MSRA: variants seen among roughly 807,000 people sequenced by gnomAD.
MSRA encodes methionine sulfoxide reductase A.
Under a neutral mutation model 31.3 loss-of-function variants are expected in MSRA, and 54 were observed. That is an observed-to-expected ratio of 1.73 (90% CI 1.39 to 2.17). MSRA has a LOEUF of 2.17. Among genes scored for constraint, MSRA ranks in the 30% most tolerant of loss-of-function variants. The pLI, the probability that MSRA is intolerant of heterozygous loss-of-function variation, is 0.00. For synonymous variants in MSRA, 169 were observed against 116.5 expected (o/e 1.45, Z -2.90); for missense variants, 507 against 300.9 (o/e 1.69, Z -5.07).
At chr8:10,341,339 C>A (rs1310783379) in intron 5 of MSRA, among the ~76,000 whole-genome samples, 1 of 152,010 alleles carries the variant, frequency 6.6e-6, no homozygotes, top group African/African-American at 2.4e-5. Flanking sequence ...AAAGCAGGAG[C>A]AAGGGAGAGA....
rs116705608 is a variant in MSRA, at chr8:10,213,691, C to T, written c.211+5790C>T. On this transcript the variant is annotated intron_variant, in intron 2 of 5. Transcript: ENST00000317173. ...GACCTCGTGATCTGCCTGCCTCGGC[C>T]TCCCCAGGTACCACATTTTCTTTGC... is the stretch of plus-strand genomic sequence containing the variant. Among the ~76,000 whole-genome samples, 1,503 of 151,890 alleles carry T rather than the reference C, an allele frequency of 9.9e-3. 29 individuals are homozygous for T. Among genetic ancestry groups the T allele is most frequent in the African/African-American group, 0.035 (1,443 of 41,256 alleles).
intron 4 of MSRA, among the ~76,000 whole-genome samples, chr8:10,315,899 CCCTTT>C (rs1801684931): frequency 6.6e-6 from 1 of 152,174 alleles, no homozygotes; most frequent in Non-Finnish European, 1.5e-5. Flanking sequence ...AATAGAATTT[CCCTTT>C]TACACAAACA....
chr8:10,411,865 T>A (rs7817793), intron 5 of MSRA, among the ~76,000 whole-genome samples: 1 of 150,648 alleles, frequency 6.6e-6, no homozygotes, highest in Non-Finnish European at 1.5e-5. Context: ...GTAGTCATAT[T>A]CCAGTTAAGC....
intron 5 of MSRA, among the ~76,000 whole-genome samples, chr8:10,379,575 C>T (rs975401619): frequency 3.9e-5 from 6 of 152,184 alleles, no homozygotes; most frequent in Non-Finnish European, 1.5e-5. Context: ...CCTCCGCCTT[C>T]CCCCCTCTTC....
At chr8:10,083,893 A>G (rs190825771) in intron 1 of MSRA, among the ~76,000 whole-genome samples, 2 of 152,322 alleles carry the variant, frequency 1.3e-5, no homozygotes, top group Non-Finnish European at 2.9e-5. Flanking sequence ...TGAGAATTAG[A>G]TCCCAGTCCT....
chr8:10,138,228 C>G (rs553797955), intron 1 of MSRA, among the ~76,000 whole-genome samples: 1 of 152,120 alleles, frequency 6.6e-6, no homozygotes, highest in Non-Finnish European at 1.5e-5. Context: ...AAATGGATAT[C>G]TCTTTGAGAG....
chr8:10,354,066 C>T lies in MSRA; in HGVS notation c.543+34077C>T, dbSNP rs987543326. 7 of 152,814 alleles carry T rather than the reference C, an allele frequency of 4.6e-5. No homozygotes were observed. In the East Asian group the frequency reaches 1.2e-3, roughly 25 times the overall value. The allele number at this position is 152,814 out of a possible 1,614,324, so 9.5% of individuals were successfully genotyped here. On this transcript the variant is annotated intron_variant, in intron 5 of 5. Coordinates refer to ENST00000317173, the MANE Select transcript of MSRA (RefSeq NM_012331.5). The stretch of plus-strand genomic sequence containing the variant: ...ATAACCTTACCAGCCCCAGCTCCTT[C>T]ACTGTTTTCAGTGTTTGCTAATATG...
At chr8:10,296,938 G>C (rs1800577099) in intron 3 of MSRA, among the ~76,000 whole-genome samples, 1 of 152,178 alleles carries the variant, frequency 6.6e-6, no homozygotes, top group Admixed American at 6.5e-5. Flanking sequence ...TACTGCGTGG[G>C]CCAGTTCCCT....
chr8:10,428,054 T>G, intron 5 of MSRA, 94 bp from the exon 6 acceptor site: 3 of 1,393,316 alleles, frequency 2.2e-6, no homozygotes, highest in Non-Finnish European at 2.9e-6. Context: ...AAGCCACGCG[T>G]CTGCTCACTG....
intron 3 of MSRA, among the ~76,000 whole-genome samples, chr8:10,286,565 C>G (rs938423100): frequency 6.6e-6 from 1 of 152,192 alleles, no homozygotes; most frequent in Non-Finnish European, 1.5e-5. Flanking sequence ...TATGTCTTTA[C>G]CAGCAGCATG....
At chr8:10,292,014 G>C (rs1800264000) in intron 3 of MSRA, among the ~76,000 whole-genome samples, 1 of 152,176 alleles carries the variant, frequency 6.6e-6, no homozygotes, top group African/African-American at 2.4e-5. Flanking sequence ...CATTTGATCA[G>C]TATTTATTAA....
Position 10,323,976 on chromosome 8 carries a change from A to G in MSRA, c.543+3987A>G, listed in dbSNP as rs527372890. Among the ~76,000 whole-genome samples the G allele has an allele frequency of 1.6e-4, 24 of 152,358 alleles. No individual in the cohort carries two copies. The South Asian group carries it at 5.0e-3, about 32-fold the overall frequency. ...CATATCTCTTTTATGGTTTTGCATA[A>G]ATAAAACTGACCCTAGATTCCACTG... On this transcript the variant is annotated intron_variant, in intron 5 of 5. Coordinates refer to ENST00000317173, the MANE Select transcript of MSRA (RefSeq NM_012331.5).
intron 1 of MSRA, among the ~76,000 whole-genome samples, chr8:10,165,904 G>A (rs192844262): frequency 6.6e-6 from 1 of 152,312 alleles, no homozygotes; most frequent in African/African-American, 2.4e-5. Context: ...GTCTTATACT[G>A]AGGAGGAAAT....
chr8:10,367,469 A>G (rs565323177), intron 5 of MSRA, among the ~76,000 whole-genome samples: 270 of 152,332 alleles, frequency 1.8e-3, no homozygotes, highest in African/African-American at 5.5e-3. Flanking sequence ...GTCTTGGAAC[A>G]TATCCCTCAT....
chr8:10,208,958 T>C (rs1390247213), intron 2 of MSRA, among the ~76,000 whole-genome samples: 1 of 152,212 alleles, frequency 6.6e-6, no homozygotes, highest in Admixed American at 6.5e-5. Flanking sequence ...TGTTCCCTTA[T>C]TCCCAGAGAT....
intron 3 of MSRA, among the ~76,000 whole-genome samples, chr8:10,299,528 A>G (rs902854510): frequency 1.3e-5 from 2 of 152,144 alleles, no homozygotes; most frequent in African/African-American, 4.8e-5. Context: ...TAGTATTTGA[A>G]TTAAAATTAT....
intron 5 of MSRA, among the ~76,000 whole-genome samples, chr8:10,325,142 A>C (rs1802287965): frequency 6.6e-6 from 1 of 151,818 alleles, no homozygotes; most frequent in Non-Finnish European, 1.5e-5. Context: ...GGTCCTTCTC[A>C]CTCCGATCCA....
intron 5 of MSRA, among the ~76,000 whole-genome samples, chr8:10,376,981 C>T (rs534532225): frequency 6.6e-6 from 1 of 152,240 alleles, no homozygotes; most frequent in East Asian, 1.9e-4. Context: ...GAATGTTAGC[C>T]CAGATTCTTT....
intron 3 of MSRA, among the ~76,000 whole-genome samples, chr8:10,284,471 G>C (rs772121966): frequency 2.0e-5 from 3 of 152,154 alleles, no homozygotes; most frequent in Non-Finnish European, 4.4e-5. Context: ...TGGGATTACA[G>C]GCATGAGCCA....
Sources: allele counts gnomAD v4.1 joint callset (sites outside exome capture counted in the v4.1 genomes callset), GRCh38; gene constraint gnomAD v4.1.1; transcripts MANE v1.5; gene names NCBI Gene and HGNC (gene_info 2026-07-23, HGNC 2026-07-21).